The following TMIE variants were observed in gnomAD, a reference collection of about 807,000 sequenced individuals.
The protein encoded by TMIE is transmembrane inner ear.
Under a neutral mutation model 16.8 loss-of-function variants are expected in TMIE, and 14 were observed. The observed-to-expected ratio is 0.83, with a 90% confidence interval of 0.55 to 1.30. TMIE has a LOEUF of 1.30. Ranked by LOEUF, TMIE falls within the 50% of genes most tolerant of loss-of-function variation. TMIE has a pLI of 0.00. For missense variants in TMIE, 204 were observed against 205.9 expected, an observed-to-expected ratio of 0.99 and a Z score of 0.06; for synonymous variants, 75 against 87.2, an observed-to-expected ratio of 0.86 and a Z score of 0.78.
chr3:46,708,548 C>T (rs1700579977), intron 2 of TMIE, among the ~76,000 whole-genome samples: 2 of 152,258 alleles, frequency 1.3e-5, no homozygotes, highest in Admixed American at 6.5e-5. Context: ...GCCGGAAAAC[C>T]ACTCCTGAAA....
upstream of TMIE, among the ~76,000 whole-genome samples, chr3:46,700,521 G>A (rs964436629): frequency 6.6e-6 from 1 of 152,174 alleles, no homozygotes; most frequent in Non-Finnish European, 1.5e-5. Context: ...ACACTCAGCA[G>A]CAGGAGATAA....
At chr3:46,695,586 C>G (rs534156226) in intron 1 of TMIE, among the ~76,000 whole-genome samples, 1 of 152,296 alleles carries the variant, frequency 6.6e-6, no homozygotes, top group Admixed American at 6.5e-5. Flanking sequence ...TGGCCATGGC[C>G]TCAGGAGGAG....
At chr3:46,694,857 C>G (rs1700366121) in intron 1 of TMIE, among the ~76,000 whole-genome samples, 1 of 152,166 alleles carries the variant, frequency 6.6e-6, no homozygotes, top group Admixed American at 6.5e-5. Context: ...CCCACATTGC[C>G]AAAGCCCGCC....
chr3:46,696,850 C>T (rs750818070), upstream of TMIE, among the ~76,000 whole-genome samples: 2 of 152,168 alleles, frequency 1.3e-5, no homozygotes, highest in Admixed American at 6.5e-5. Flanking sequence ...GGAGGGGACA[C>T]TGTCTTCCAG....
rs1019871493 is a variant in TMIE at position 46,701,728 on chromosome 3, C to G, written c.93+148C>G. ...GTCTCCCGGGCGATGCAGCCCTGCC[C>G]CAAGCCCTGCCAGGCTGTGAGAGAG... is the stretch of plus-strand genomic sequence containing the variant. On this transcript the variant is annotated intron_variant, in intron 1 of 3. Coordinates refer to ENST00000643606, the MANE Select transcript of TMIE (RefSeq NM_147196.3). The surrounding 1 kb of genome is among the most constrained non-coding windows in gnomAD (Gnocchi z 4.3). 1.6e-6 allele frequency: 1 copy of G among 628,208 alleles called. No homozygotes were observed. The highest frequency in any genetic ancestry group is 3.5e-5 in the East Asian group (1 of 28,748). 38.9% of individuals were successfully genotyped at this position (628,208 alleles called of 1,614,324 possible). A position where few individuals can be genotyped will look rare whatever the true frequency, so the allele number is the denominator to read the frequency against.
Position 46,701,491 on chromosome 3 carries a change from GC to G in TMIE, c.5del (p.Ala2GlyfsTer43). The G allele has an allele frequency of 7.4e-7, 1 of 1,351,490 alleles. No individual in the cohort carries two copies. The highest frequency in any genetic ancestry group is 9.5e-7 in the Non-Finnish European group (1 of 1,055,278). 83.7% of individuals were successfully genotyped at this position (1,351,490 alleles called of 1,614,324 possible). A position where few individuals can be genotyped will look rare whatever the true frequency, so the allele number is the denominator to read the frequency against. On this transcript the variant is annotated frameshift_variant, in exon 1 of 4. Coordinates refer to ENST00000643606, the MANE Select transcript of TMIE (RefSeq NM_147196.3). LOFTEE classifies it high-confidence loss of function. This position sits in a 1 kb window ranked among gnomAD's most constrained non-coding sequence, Gnocchi z 4.3. ...CAAGCGGCGCGGTGGCACGAAGATG[GC>G]GGGGTGGCCGGGCGCGGGTCCCCTC... MAGWPGAGPLCV... is the reference protein window; with the variant it reads MXGWPGAGPLCV...
At chr3:46,700,923 C>G (rs1392495130), upstream of TMIE, among the ~76,000 whole-genome samples, 1 of 151,916 alleles carries the variant, frequency 6.6e-6, no homozygotes, top group Non-Finnish European at 1.5e-5. Flanking sequence ...ATCCCCTGCT[C>G]TCCAGCTCTG....
At chr3:46,699,277 GGT>G (rs1355065220), upstream of TMIE, among the ~76,000 whole-genome samples, 1 of 151,938 alleles carries the variant, frequency 6.6e-6, no homozygotes, top group Non-Finnish European at 1.5e-5. Context: ...TCTCCATGTT[GGT>G]CAGGCTGGTC....
chr3:46,701,642 G>T lies in TMIE; in HGVS notation c.93+62G>T. ...ACCCTCCAGGCAGGGGGCTGGGGGA[G>T]AGGGGACGCCTTTTTGATCCGGAGC... is the stretch of plus-strand genomic sequence containing the variant. On this transcript the variant is annotated intron_variant, in intron 1 of 3. Coordinates refer to ENST00000643606, the MANE Select transcript of TMIE (RefSeq NM_147196.3). The surrounding 1 kb of genome is among the most constrained non-coding windows in gnomAD (Gnocchi z 4.3). 2 of 1,206,948 alleles carry T rather than the reference G, an allele frequency of 1.7e-6. No individual in the cohort carries two copies. The highest frequency in any genetic ancestry group is 3.2e-5 in the East Asian group (1 of 31,402). 74.8% of individuals were successfully genotyped at this position (1,206,948 alleles called of 1,614,324 possible).
upstream of TMIE, among the ~76,000 whole-genome samples, chr3:46,699,060 A>ATTTTTTTT (rs397951323): frequency 2.2e-4 from 19 of 84,868 alleles, no homozygotes; most frequent in Non-Finnish European, 3.1e-4. Context: ...GGTGTTTCTT[A>ATTTTTTTT]TTTTTTTTTT....
upstream of TMIE, among the ~76,000 whole-genome samples, chr3:46,694,293 G>T (rs1188660733): frequency 6.6e-6 from 1 of 152,188 alleles, no homozygotes; most frequent in East Asian, 1.9e-4. Flanking sequence ...GCATGAAGCC[G>T]GCCGCGTGTG....
At chr3:46,693,824 G>T (rs1264184770), upstream of TMIE, 1 of 152,038 alleles carries the variant, frequency 6.6e-6, no homozygotes, top group Non-Finnish European at 1.5e-5. Flanking sequence ...CGAGGAGCTG[G>T]CGCGCGGTAT....
At chr3:46,705,225 C>G (rs1220983919) in intron 1 of TMIE, among the ~76,000 whole-genome samples, 1 of 152,188 alleles carries the variant, frequency 6.6e-6, no homozygotes, top group Non-Finnish European at 1.5e-5. Flanking sequence ...TTTATTTATC[C>G]AGTGCCTGTC....
upstream of TMIE, chr3:46,693,779 T>G (rs1399186081): frequency 2.1e-5 from 3 of 142,444 alleles, no homozygotes; most frequent in Non-Finnish European, 3.1e-5. Context: ...CCTCCGGGTG[T>G]TGCTCTGGAG....
intron 2 of TMIE, among the ~76,000 whole-genome samples, chr3:46,707,424 T>C (rs368669784): frequency 4.5e-4 from 68 of 152,292 alleles, no homozygotes; most frequent in African/African-American, 9.4e-4. Flanking sequence ...CAGGCAGCAC[T>C]TGTTACCTTC....
At chr3:46,709,008 A>G in intron 2 of TMIE, 118 bp from the exon 3 acceptor site, 1 of 1,351,180 alleles carries the variant, frequency 7.4e-7, no homozygotes, top group Non-Finnish European at 1.0e-6. Context: ...GCCTCCTGCC[A>G]GGGTCTGGTG....
Position 46,710,153 on chromosome 3 carries a change from G to A in TMIE, c.*465G>A, listed in dbSNP as rs1700603759. The A allele has an allele frequency of 4.0e-6, 1 of 249,384 alleles. No homozygotes were observed. The highest frequency in any genetic ancestry group is 4.9e-5 in the Admixed American group (1 of 20,524). 15.4% of individuals were successfully genotyped at this position (249,384 alleles called of 1,614,324 possible). A position where few individuals can be genotyped will look rare whatever the true frequency, so the allele number is the denominator to read the frequency against. On this transcript the variant is annotated 3_prime_UTR_variant, in exon 4 of 4. Transcript: ENST00000643606. ...GAGGAGGCAGAGAGGGTCACTGGGG[G>A]ACACTGTGGCAGCAGGAGGGACTCT... is the stretch of plus-strand genomic sequence containing the variant.
In TMIE at chr3:46,709,581, GATA is replaced by G. The variant is rs776317788; in HGVS notation, c.366_368del (p.Asp122_Lys123delinsGlu). 33 of 1,541,756 alleles carry G rather than the reference GATA, an allele frequency of 2.1e-5. No individual in the cohort carries two copies. Among genetic ancestry groups the G allele is most frequent in the African/African-American group, 1.2e-4 (6 of 49,210 alleles). On this transcript the variant is annotated inframe_deletion, in exon 4 of 4. Coordinates refer to ENST00000643606, the MANE Select transcript of TMIE (RefSeq NM_147196.3). ...GGTCTCTTCCCCCTGCCCCACAGAG[GATA>G]AGAAGAAGAAGAAGAAGAAGAAGAA...
At position 46,705,828 on chromosome 3, in the gene TMIE, G is replaced by A; in HGVS notation, c.132G>A (p.Leu44=). 2.5e-6 allele frequency: 4 copies of A among 1,614,110 alleles called. No homozygotes were observed. Among genetic ancestry groups the A allele is most frequent in the Non-Finnish European group, 3.4e-6 (4 of 1,180,038 alleles). The change falls in exon 2 of 4, where the codon CTG becomes CTA. Residue 44 remains leucine (L), a synonymous_variant. Transcript: ENST00000643606. ...CACCCAAGCCCAAGCCGCCTCCGCTGACCAAGGAGACAGTGGTGTTCTGGG... is the reference window on the plus strand; with the variant it reads ...CACCCAAGCCCAAGCCGCCTCCGCTAACCAAGGAGACAGTGGTGTTCTGGG... ...TAPPKPKPPP[L]TKETVVFWDM...
Sources: allele counts gnomAD v4.1 joint callset (sites outside exome capture counted in the v4.1 genomes callset), GRCh38; gene constraint gnomAD v4.1.1; non-coding constraint Gnocchi (gnomAD v3.1); transcripts MANE v1.5; gene names NCBI Gene and HGNC (gene_info 2026-07-23, HGNC 2026-07-21).